The following KALRN variants were observed in gnomAD, a reference collection of about 807,000 sequenced individuals.
KALRN encodes kalirin.
Under a neutral mutation model 353.7 loss-of-function variants are expected in KALRN, and 70 were observed. That is an observed-to-expected ratio of 0.20 (90% CI 0.16 to 0.24). The LOEUF (loss-of-function observed/expected upper bound fraction) is 0.24, where lower values mean the gene tolerates loss of function less well. Ranked by LOEUF, KALRN falls within the 10% of genes least tolerant of loss-of-function variation. The pLI is 1.00. For missense variants in KALRN, 2,791 were observed against 3,756.7 expected, an observed-to-expected ratio of 0.74 and a Z score of 6.72; for synonymous variants, 1,391 against 1,434.8, an observed-to-expected ratio of 0.97 and a Z score of 0.69.
intron 21 of KALRN, among the ~76,000 whole-genome samples, chr3:124,454,663 C>T (rs1577065662): frequency 1.1e-5 from 1 of 92,754 alleles, no homozygotes; most frequent in Admixed American, 1.0e-4. Context: ...CAACCATGAA[C>T]TGAAAATGTT....
chr3:124,495,965 GTATATATATA>G (rs768441029), intron 32 of KALRN, among the ~76,000 whole-genome samples: 497 of 41,478 alleles, frequency 0.012, 44 homozygotes, highest in East Asian at 0.026. Flanking sequence ...GTGTATGTAT[GTATATATATA>G]TATATATATA....
In KALRN at chr3:124,657,713, T is replaced by G. The variant is rs191418834; in HGVS notation, c.5967-21T>G. On this transcript the variant is annotated intron_variant, in intron 40 of 59. Coordinates refer to ENST00000682506, the MANE Select transcript of KALRN (RefSeq NM_001388419.1). ...TTCTGAATAATGTGGCTTCCTTCTC[T>G]TATCCCCTTTCTCCTTTTAGTTTTT... The G allele has an allele frequency of 3.1e-4, 492 of 1,591,014 alleles. No homozygotes were observed. In the African/African-American group the frequency reaches 5.9e-3, roughly 19 times the overall value.
intron 1 of KALRN, among the ~76,000 whole-genome samples, chr3:124,184,829 GA>G: frequency 6.6e-6 from 1 of 152,166 alleles, no homozygotes; most frequent in East Asian, 1.9e-4. Context: ...TTAAAAAAAT[GA>G]ACAAATAGTG....
chr3:124,407,213 T>C (rs2091655726), intron 13 of KALRN, among the ~76,000 whole-genome samples: 1 of 152,216 alleles, frequency 6.6e-6, no homozygotes, highest in Non-Finnish European at 1.5e-5. Flanking sequence ...TGTGAGGATT[T>C]AATAAGTTAA....
At chr3:124,406,804 A>G (rs2091591156) in intron 13 of KALRN, among the ~76,000 whole-genome samples, 1 of 144,444 alleles carries the variant, frequency 6.9e-6, no homozygotes, top group South Asian at 2.2e-4. Context: ...AACTTTACTA[A>G]TTGTGTGGCC....
chr3:124,664,696 A>C (rs73193778), intron 45 of KALRN, among the ~76,000 whole-genome samples: 4,241 of 152,282 alleles, frequency 0.028, 80 homozygotes, highest in East Asian at 0.079. Context: ...GGCGTGAGCC[A>C]CTGCACCCAG....
In KALRN at chr3:124,590,315, T is replaced by C. The variant is rs139177108; in HGVS notation, c.5182+27226T>C. Among the ~76,000 whole-genome samples the C allele has an allele frequency of 8.2e-3, 1,255 of 152,272 alleles. 16 individuals carry two copies. Among genetic ancestry groups the C allele is most frequent in the African/African-American group, 0.027 (1,140 of 41,544 alleles). Reference sequence around the variant, plus strand: ...TTTGGAAACTGAAGCTGAATATCCCTCCTGTGGTACAGCTGCATGCCCAAC... The same window carrying C: ...TTTGGAAACTGAAGCTGAATATCCCCCCTGTGGTACAGCTGCATGCCCAAC... On this transcript the variant is annotated intron_variant, in intron 34 of 59. Transcript: ENST00000682506.
At chr3:124,134,156 C>G (rs1020470411) in intron 1 of KALRN, among the ~76,000 whole-genome samples, 5 of 152,176 alleles carry the variant, frequency 3.3e-5, no homozygotes, top group African/African-American at 1.2e-4. Context: ...GTCACCAAAA[C>G]AGCGTGATAC....
chr3:124,178,723 G>A (rs1019260779), intron 1 of KALRN, among the ~76,000 whole-genome samples: 30 of 152,222 alleles, frequency 2.0e-4, no homozygotes, highest in African/African-American at 6.8e-4. Context: ...GGGTGAGTCA[G>A]TGGTGAGTGA....
rs758082655 is a variant in KALRN, at chr3:124,434,391, G to A, written c.2914G>A (p.Gly972Ser). The A allele has an allele frequency of 6.2e-6, 10 of 1,614,084 alleles. No homozygotes were observed. Among genetic ancestry groups the A allele is most frequent in the East Asian group, 2.2e-5 (1 of 44,872 alleles). ...GAAAGCCGAGGTGCTGCTCCAGGCC[G>A]GCCACTACGATGCCGATGCCATCCG... ...QQKAEVLLQA[G>S]HYDADAIREC... The change falls in exon 17 of 60, where the codon GGC becomes AGC. Residue 972 changes from glycine (G) to serine (S), a missense_variant. Around this residue, in one of 11 missense-constraint regions of KALRN, gnomAD observed 452 missense variants for 575.8 expected, o/e 0.78. Coordinates refer to ENST00000682506, the MANE Select transcript of KALRN (RefSeq NM_001388419.1).
intron 41 of KALRN, 138 bp from the exon 42 acceptor site, chr3:124,658,293 C>A: frequency 1.4e-6 from 1 of 699,726 alleles, no homozygotes; most frequent in Non-Finnish European, 2.6e-6. Context: ...ACATTTATAT[C>A]CTTGATATTC....
intron 1 of KALRN, among the ~76,000 whole-genome samples, chr3:124,188,283 G>A (rs1051394434): frequency 1.3e-5 from 2 of 152,172 alleles, no homozygotes; most frequent in African/African-American, 4.8e-5. Flanking sequence ...AAGGTCCTCA[G>A]ATAATTTAGA....
At chr3:124,366,823 T>C (rs28672855) in intron 10 of KALRN, among the ~76,000 whole-genome samples, 79,846 of 132,060 alleles carry the variant, frequency 0.6, 23,311 homozygotes, top group East Asian at 0.92. Context: ...GGTGGCTGGC[T>C]GGGCGGGGGT....
At chr3:124,201,958 G>A (rs2075981979) in intron 1 of KALRN, among the ~76,000 whole-genome samples, 1 of 152,200 alleles carries the variant, frequency 6.6e-6, no homozygotes, top group Non-Finnish European at 1.5e-5. Context: ...GGGCCAGCTG[G>A]AGCCCTGTGA....
chr3:124,223,680 A>G (rs967260619), intron 1 of KALRN, among the ~76,000 whole-genome samples: 2 of 152,188 alleles, frequency 1.3e-5, no homozygotes, highest in African/African-American at 4.8e-5. Context: ...GGAGGTTAGT[A>G]TGGAACACAA....
intron 5 of KALRN, among the ~76,000 whole-genome samples, chr3:124,292,717 T>G (rs1398680645): frequency 1.3e-5 from 2 of 152,212 alleles, no homozygotes; most frequent in Admixed American, 1.3e-4. Context: ...ATTCCCCATT[T>G]ACTGCAATCT....
At chr3:124,253,075 T>C (rs2071408102) in intron 3 of KALRN, among the ~76,000 whole-genome samples, 1 of 152,194 alleles carries the variant, frequency 6.6e-6, no homozygotes, top group Non-Finnish European at 1.5e-5. Context: ...TGCTGATCTC[T>C]GGTGTTTCAG....
chr3:124,152,509 C>G, intron 1 of KALRN: 1 of 773,804 alleles, frequency 1.3e-6, no homozygotes, highest in Non-Finnish European at 2.3e-6. Context: ...GTACATCTGC[C>G]TATATTCCTT....
At chr3:124,537,023 A>G (rs926642987) in intron 33 of KALRN, among the ~76,000 whole-genome samples, 2 of 152,198 alleles carry the variant, frequency 1.3e-5, no homozygotes, top group African/African-American at 4.8e-5. Context: ...CCAGTTGACA[A>G]TAATTGAAAA....
Sources: allele counts gnomAD v4.1 joint callset (sites outside exome capture counted in the v4.1 genomes callset), GRCh38; gene constraint gnomAD v4.1.1; regional missense constraint gnomAD v4.1.1; transcripts MANE v1.5; gene names NCBI Gene and HGNC (gene_info 2026-07-23, HGNC 2026-07-21).